Variants in VPS33B observed in about 807,000 individuals in gnomAD.
The protein encoded by VPS33B is vacuolar protein sorting-associated protein 33B.
A neutral mutation model predicts 95.3 loss-of-function variants in VPS33B; 80 were observed. That is an observed-to-expected ratio of 0.84 (90% confidence interval 0.70 to 1.01). VPS33B has a LOEUF of 1.01. Among genes scored for constraint, VPS33B ranks in the 50% least tolerant of loss-of-function variants. The pLI is 0.00. For synonymous variants in VPS33B, 280 were observed against 280.4 expected, an observed-to-expected ratio of 1.00 and a Z score of 0.01; for missense variants, 715 against 773.4, an observed-to-expected ratio of 0.92 and a Z score of 0.90.
At chr15:91,012,072 A>G (rs550022703) in intron 5 of VPS33B, among the ~76,000 whole-genome samples, 3 of 148,952 alleles carry the variant, frequency 2.0e-5, no homozygotes, top group Admixed American at 6.6e-5. Flanking sequence ...TTGAAAAGAA[A>G]AAAAAAAAAA....
In VPS33B at chr15:91,009,316, T is replaced by C. The variant is rs1340087051; in HGVS notation, c.403+485A>G. On this transcript the variant is annotated intron_variant, in intron 6 of 22. Coordinates refer to ENST00000333371, the MANE Select transcript of VPS33B (RefSeq NM_018668.5). This position sits in a 1 kb window ranked among gnomAD's most constrained non-coding sequence, Gnocchi z 4.1. Reference sequence around the variant, plus strand: ...TTTCTCTCTCTCTTTCTTTCTTCCTTCCTTCCTTTCTCTGAGTCTCACTCT... The same window carrying C: ...TTTCTCTCTCTCTTTCTTTCTTCCTCCCTTCCTTTCTCTGAGTCTCACTCT... 1.3e-5 allele frequency among the ~76,000 whole-genome samples: 2 copies of C among 151,842 alleles called. No individual in the cohort carries two copies. Among genetic ancestry groups the C allele is most frequent in the Non-Finnish European group, 2.9e-5 (2 of 67,988 alleles).
chr15:90,999,411 C>A lies in VPS33B; in HGVS notation c.1774+266G>T. On this transcript the variant is annotated intron_variant, in intron 22 of 22. Coordinates refer to ENST00000333371, the MANE Select transcript of VPS33B (RefSeq NM_018668.5). This position sits in a 1 kb window ranked among gnomAD's most constrained non-coding sequence, Gnocchi z 5.1. ...TCAGCTCACTGCAACCTCCACCTCC[C>A]GGGTTCAAGCAATTCTCCTGCCTCA... 2.0e-6 allele frequency: 1 copy of A among 506,374 alleles called. No individual in the cohort carries two copies. The highest frequency in any genetic ancestry group is 3.6e-6 in the Non-Finnish European group (1 of 277,448). The allele number at this position is 506,374 out of a possible 1,614,324, so 31.4% of individuals were successfully genotyped here.
intron 1 of VPS33B, among the ~76,000 whole-genome samples, chr15:91,021,700 G>A (rs977268899): frequency 6.6e-6 from 1 of 152,168 alleles, no homozygotes; most frequent in African/African-American, 2.4e-5. Flanking sequence ...AGTCTCCAAA[G>A]AAAATATGCT....
Position 91,005,768 on chromosome 15 carries a change from T to C in VPS33B, c.956A>G (p.Asp319Gly), listed in dbSNP as rs746903632. The C allele has an allele frequency of 1.4e-5, 22 of 1,614,034 alleles. No homozygotes were observed. The highest frequency in any genetic ancestry group is 4.2e-6 in the Non-Finnish European group (5 of 1,180,038). ...QAQYDRRRGMDIKQMKNFVSQ... is the reference protein window; with the variant it reads ...QAQYDRRRGMGIKQMKNFVSQ... ...CACGAAATTCTTCATCTGCTTAATGTCCATGCCTCTCCGGCGCTGTGGGAA... is the reference window on the plus strand; with the variant it reads ...CACGAAATTCTTCATCTGCTTAATGCCCATGCCTCTCCGGCGCTGTGGGAA... The change falls in exon 13 of 23, where the codon GAC becomes GGC. Residue 319 changes from aspartate to glycine, a missense_variant. Transcript: ENST00000333371. This position sits in a 1 kb window ranked among gnomAD's most constrained non-coding sequence, Gnocchi z 6.4.
At position 91,009,300 on chromosome 15, in the gene VPS33B, C is replaced by CTCTT. The variant is rs3837745; in HGVS notation, c.403+497_403+500dup. On this transcript the variant is annotated intron_variant, in intron 6 of 22. Transcript: ENST00000333371. This position sits in a 1 kb window ranked among gnomAD's most constrained non-coding sequence, Gnocchi z 4.1. ...CTTTTCTTTTATTTTCTTTCTCTCT[C>CTCTT]TCTTTCTTTCTTCCTTCCTTCCTTT... 0.15 allele frequency among the ~76,000 whole-genome samples: 21,990 copies of CTCTT among 150,516 alleles called. 2,354 individuals are homozygous for CTCTT. The highest frequency in any genetic ancestry group is 0.47 in the East Asian group (2,343 of 5,036).
At position 91,006,769 on chromosome 15, in the gene VPS33B, C is replaced by G; in HGVS notation, c.701-40G>C. The G allele has an allele frequency of 3.1e-6, 5 of 1,612,402 alleles. No individual in the cohort carries two copies. Among genetic ancestry groups the G allele is most frequent in the Non-Finnish European group, 4.2e-6 (5 of 1,178,472 alleles). The stretch of plus-strand genomic sequence containing the variant: ...CCTGACCATGAAGGTTCTCCCTGAC[C>G]CAGCCTTCTACACAGCATGTCCAAG... On this transcript the variant is annotated intron_variant, in intron 9 of 22. Transcript: ENST00000333371. This position sits in a 1 kb window ranked among gnomAD's most constrained non-coding sequence, Gnocchi z 5.4.
chr15:90,999,858 C>T lies in VPS33B; in HGVS notation c.1657+42G>A. 1 of 1,614,068 alleles carries T rather than the reference C, an allele frequency of 6.2e-7. No individual in the cohort carries two copies. The highest frequency in any genetic ancestry group is 8.5e-7 in the Non-Finnish European group (1 of 1,179,936). ...CTAGTCCTGAGTGGTGCATCCAGCC[C>T]ACCTCTCACTGCCAGCCTACCCCAC... On this transcript the variant is annotated intron_variant, in intron 21 of 22. Coordinates refer to ENST00000333371, the MANE Select transcript of VPS33B (RefSeq NM_018668.5). This position sits in a 1 kb window ranked among gnomAD's most constrained non-coding sequence, Gnocchi z 5.1.
rs1329555935 is a variant in VPS33B, at chr15:91,013,332, T to C, written c.357+472A>G. ...GACAGGTATTAGGTTCAATCACACA[T>C]AATTTGCTTTGAGGGAGTGCTATGG... is the stretch of plus-strand genomic sequence containing the variant. On this transcript the variant is annotated intron_variant, in intron 5 of 22. Transcript: ENST00000333371. The surrounding 1 kb of genome is among the most constrained non-coding windows in gnomAD (Gnocchi z 4.5). 6.6e-6 allele frequency among the ~76,000 whole-genome samples: 1 copy of C among 152,186 alleles called. No individual in the cohort carries two copies.
At chr15:91,014,507 C>T in intron 3 of VPS33B, 74 bp from the exon 4 acceptor site, 1 of 1,533,468 alleles carries the variant, frequency 6.5e-7, no homozygotes, top group South Asian at 1.1e-5. Flanking sequence ...GAAACTGAAA[C>T]AATACCAACT....
intron 5 of VPS33B, among the ~76,000 whole-genome samples, chr15:91,012,455 G>A (rs2040809284): frequency 6.6e-6 from 1 of 152,180 alleles, no homozygotes; most frequent in Non-Finnish European, 1.5e-5. Context: ...GAGACACGGA[G>A]CAGCTCAGTA....
chr15:91,019,615 G>A (rs778018506), intron 1 of VPS33B, among the ~76,000 whole-genome samples: 11 of 152,172 alleles, frequency 7.2e-5, no homozygotes, highest in South Asian at 2.1e-4. Flanking sequence ...AAGCTTTTGT[G>A]TATTGAAGCA....
At chr15:91,001,032 T>C (rs930597291) in intron 19 of VPS33B, 50 of 356,494 alleles carry the variant, frequency 1.4e-4, no homozygotes, top group African/African-American at 9.7e-4. Context: ...TACTCCACAA[T>C]GGGCTGGGCG....
At chr15:91,003,395 G>A (rs2040499869) in intron 16 of VPS33B, among the ~76,000 whole-genome samples, 1 of 152,130 alleles carries the variant, frequency 6.6e-6, no homozygotes, top group Admixed American at 6.6e-5. Context: ...AGTGGGATGT[G>A]GGGAGGATGC....
rs2040411964 is a variant in VPS33B at position 91,000,663 on chromosome 15, T to G, written c.1480-72A>C. ...TAACCCTTTAAAGGGTCAGATAAAGTGGCATGGCCCAAGGAACAATTCTTA... is the reference window on the plus strand; with the variant it reads ...TAACCCTTTAAAGGGTCAGATAAAGGGGCATGGCCCAAGGAACAATTCTTA... On this transcript the variant is annotated intron_variant, in intron 19 of 22. Coordinates refer to ENST00000333371, the MANE Select transcript of VPS33B (RefSeq NM_018668.5). This position sits in a 1 kb window ranked among gnomAD's most constrained non-coding sequence, Gnocchi z 4.9. 1 of 1,334,174 alleles carries G rather than the reference T, an allele frequency of 7.5e-7. No individual in the cohort carries two copies. The highest frequency in any genetic ancestry group is 1.1e-6 in the Non-Finnish European group (1 of 941,520). 82.6% of individuals were successfully genotyped at this position (1,334,174 alleles called of 1,614,324 possible).
chr15:91,000,359 C>T lies in VPS33B; in HGVS notation c.1581+131G>A, dbSNP rs185629772. ...TTGCAGTGAGCCAAGATCGTGCCAC[C>T]GCACTCCAGCCTGGGTGACAGAGCA... is the stretch of plus-strand genomic sequence containing the variant. On this transcript the variant is annotated intron_variant, in intron 20 of 22. Coordinates refer to ENST00000333371, the MANE Select transcript of VPS33B (RefSeq NM_018668.5). The surrounding 1 kb of genome is among the most constrained non-coding windows in gnomAD (Gnocchi z 4.9). 1,449 of 822,374 alleles carry T rather than the reference C, an allele frequency of 1.8e-3. 3 individuals carry two copies. The highest frequency in any genetic ancestry group is 2.4e-3 in the Non-Finnish European group (1,264 of 530,712). 50.9% of individuals were successfully genotyped at this position (822,374 alleles called of 1,614,324 possible).
intron 19 of VPS33B, 31 bp downstream of exon 19, chr15:91,001,358 T>C (rs2040433674): frequency 2.6e-6 from 4 of 1,517,320 alleles, no homozygotes; most frequent in Non-Finnish European, 3.7e-6. Flanking sequence ...ATGAACCCAC[T>C]GTCTCCCCTA....
Position 91,018,501 on chromosome 15 carries a change from C to T in VPS33B, c.97-616G>A, listed in dbSNP as rs1170777426. On this transcript the variant is annotated intron_variant, in intron 1 of 22. Transcript: ENST00000333371. The surrounding 1 kb of genome is among the most constrained non-coding windows in gnomAD (Gnocchi z 4.7). ...CACTGGGAGTTTCCTCTCACCCAGG[C>T]CTTCACAAATGAGTAGGGTGTTGAC... Among the ~76,000 whole-genome samples, 2 of 152,140 alleles carry T rather than the reference C, an allele frequency of 1.3e-5. No individual in the cohort carries two copies. The highest frequency in any genetic ancestry group is 4.8e-5 in the African/African-American group (2 of 41,414).
At chr15:91,019,603 T>C (rs1000862688) in intron 1 of VPS33B, among the ~76,000 whole-genome samples, 2 of 151,754 alleles carry the variant, frequency 1.3e-5, no homozygotes, top group Non-Finnish European at 2.9e-5. Context: ...CAGGGAAAAA[T>C]AAAGCTTTTG....
chr15:91,014,184 A>ACTCC (rs570136733), intron 4 of VPS33B, among the ~76,000 whole-genome samples, 200 bp downstream of exon 4: 184 of 143,218 alleles, frequency 1.3e-3, no homozygotes, highest in Non-Finnish European at 2.2e-3. Flanking sequence ...GTGCCATTGC[A>ACTCC]CTCCAGACTG....
Sources: gnomAD v4.1 joint callset for allele counts (sites outside exome capture counted in the v4.1 genomes callset) on GRCh38, gnomAD v4.1.1 for gene constraint, Gnocchi (gnomAD v3.1) non-coding constraint, MANE v1.5 for transcripts, NCBI Gene and HGNC (gene_info 2026-07-23, HGNC 2026-07-21) for gene names.